The following KY variants were observed in gnomAD, a reference collection of about 807,000 sequenced individuals.
The protein encoded by KY is kyphoscoliosis peptidase.
KY carries 43 observed loss-of-function variants against 76.1 expected under a neutral mutation model. The observed-to-expected ratio is 0.57, with a 90% CI of 0.44 to 0.73. KY has a LOEUF of 0.73. Ranked by LOEUF, KY falls within the 30% of genes least tolerant of loss-of-function variation. The pLI, the probability that KY is intolerant of heterozygous loss-of-function variation, is 0.00. For synonymous variants in KY, 277 were observed against 326.2 expected (o/e 0.85, Z 1.63); for missense variants, 722 against 828.9 (o/e 0.87, Z 1.58).
In KY at chr3:134,650,779, G is replaced by T. The variant is rs369325607; in HGVS notation, c.136+46C>A. ...GCGGGCAGGCCCTTGTGGCAAGGAGGCCAAGGTGCCGGGGGACCCGGGGAC... is the reference window on the plus strand; with the variant it reads ...GCGGGCAGGCCCTTGTGGCAAGGAGTCCAAGGTGCCGGGGGACCCGGGGAC... On this transcript the variant is annotated intron_variant, in intron 1 of 10. Coordinates refer to ENST00000423778, the MANE Select transcript of KY (RefSeq NM_178554.6). The T allele has an allele frequency of 6.4e-4, 965 of 1,510,822 alleles. 10 individuals are homozygous for T. The African/African-American group carries it at 0.012, about 18-fold the overall frequency. The allele number at this position is 1,510,822 out of a possible 1,614,324, so 93.6% of individuals were successfully genotyped here.
intron 2 of KY, among the ~76,000 whole-genome samples, chr3:134,646,007 G>T (rs1240282213): frequency 6.6e-6 from 1 of 152,166 alleles, no homozygotes; most frequent in South Asian, 2.1e-4. Context: ...CTCAGGCAAG[G>T]TATGAGACAG....
At position 134,601,018 on chromosome 3, in the gene KY, C is replaced by T. The variant is rs1958939368; in HGVS notation, c.*2561G>A. On this transcript the variant is annotated 3_prime_UTR_variant, in exon 11 of 11. Coordinates refer to ENST00000423778, the MANE Select transcript of KY (RefSeq NM_178554.6). The stretch of plus-strand genomic sequence containing the variant: ...GCCGGCAGCTCCGCACTTCGGACAC[C>T]TGGGGGCGCCCGTGCCATTCCGCCG... 1 of 152,346 alleles carries T rather than the reference C, an allele frequency of 6.6e-6. No homozygotes were observed. The highest frequency in any genetic ancestry group is 1.9e-4 in the East Asian group (1 of 5,186). The allele number at this position is 152,346 out of a possible 1,614,324, so 9.4% of individuals were successfully genotyped here.
At chr3:134,605,811 C>A (rs1436066503) in intron 10 of KY, among the ~76,000 whole-genome samples, 8 of 152,172 alleles carry the variant, frequency 5.3e-5, no homozygotes, top group Non-Finnish European at 1.2e-4. Flanking sequence ...CCACGCCTTC[C>A]TCTGAGTACT....
Position 134,623,576 on chromosome 3 carries a change from TCTC to T in KY, c.483+1474_483+1476del, listed in dbSNP as rs1181151460. On this transcript the variant is annotated intron_variant, in intron 6 of 10. Transcript: ENST00000423778. ...CCCCCACCTTAGGATGCCCCCCTAC[TCTC>T]CTCAGTTCTGCTCATGTCTAGCCTC... 4.2e-5 allele frequency among the ~76,000 whole-genome samples: 6 copies of T among 142,682 alleles called. No homozygotes were observed. The East Asian group carries it at 1.3e-3, about 31-fold the overall frequency. The allele number at this position is 142,682 out of a possible 152,430, so 93.6% of individuals were successfully genotyped here.
rs192178565 is a variant in KY at position 134,646,984 on chromosome 3, T to C, written c.199+451A>G. On this transcript the variant is annotated intron_variant, in intron 2 of 10. Transcript: ENST00000423778. ...GGCTTTGGAAGCTGACTTCTTATTG[T>C]ATTTTGGGTCCCAGGCCAGCAGGGA... Among the ~76,000 whole-genome samples the C allele has an allele frequency of 3.3e-5, 5 of 152,324 alleles. No homozygotes were observed. In the East Asian group the frequency reaches 9.6e-4, roughly 29 times the overall value.
intron 10 of KY, chr3:134,607,969 A>T: frequency 9.9e-7 from 1 of 1,009,174 alleles, no homozygotes; most frequent in Non-Finnish European, 1.2e-6. Flanking sequence ...TGCCTAGAAC[A>T]TGTCCATCTC....
intron 3 of KY, among the ~76,000 whole-genome samples, chr3:134,636,366 G>A (rs1354725692): frequency 6.6e-6 from 1 of 152,102 alleles, no homozygotes; most frequent in Non-Finnish European, 1.5e-5. Flanking sequence ...CTTGAATTTG[G>A]GCTGGGCTTT....
intron 8 of KY, among the ~76,000 whole-genome samples, chr3:134,617,132 C>T (rs77071795): frequency 0.018 from 2,675 of 152,308 alleles, 79 homozygotes; most frequent in African/African-American, 0.06. Context: ...GTCTTTCTAG[C>T]TTCAAATCTG....
At chr3:134,616,583 G>T (rs879591373) in intron 8 of KY, among the ~76,000 whole-genome samples, 4 of 152,296 alleles carry the variant, frequency 2.6e-5, no homozygotes, top group African/African-American at 9.6e-5. Context: ...CACATCTCAG[G>T]CAGTGTGAGG....
At chr3:134,647,338 A>G in intron 2 of KY, 97 bp downstream of exon 2, 1 of 950,020 alleles carries the variant, frequency 1.1e-6, no homozygotes, top group Non-Finnish European at 1.6e-6. Flanking sequence ...CAGTGGTTAG[A>G]TGTCTAGGGC....
chr3:134,615,508 A>C (rs1008901883), intron 8 of KY: 1 of 151,478 alleles, frequency 6.6e-6, no homozygotes, highest in Non-Finnish European at 1.5e-5. Flanking sequence ...TTTAAGTTTT[A>C]GGATACATGT....
intron 3 of KY, among the ~76,000 whole-genome samples, chr3:134,632,340 A>G (rs2107924542): frequency 6.6e-6 from 1 of 152,182 alleles, no homozygotes; most frequent in Non-Finnish European, 1.5e-5. Flanking sequence ...TTGAATAATC[A>G]CCAAGATGGA....
intron 4 of KY, 118 bp downstream of exon 4, chr3:134,629,503 C>T: frequency 2.8e-6 from 2 of 719,010 alleles, no homozygotes; most frequent in Non-Finnish European, 4.8e-6. Flanking sequence ...TCCCAGTTTG[C>T]AGGCCCATGT....
intron 10 of KY, chr3:134,607,635 T>A: frequency 3.0e-6 from 3 of 985,682 alleles, no homozygotes; most frequent in Non-Finnish European, 3.6e-6. Flanking sequence ...AGAGACAATC[T>A]TCCAGAGAAG....
intron 10 of KY, among the ~76,000 whole-genome samples, chr3:134,606,648 A>G (rs945504173): frequency 6.6e-6 from 1 of 152,110 alleles, no homozygotes; most frequent in Non-Finnish European, 1.5e-5. Context: ...CTCTGTGGTG[A>G]AGGGGCTAGC....
chr3:134,641,360 TTATC>T (rs1448291861), intron 3 of KY: 3 of 152,174 alleles, frequency 2.0e-5, no homozygotes, highest in Non-Finnish European at 2.9e-5. Context: ...ACCATCCTGA[TTATC>T]TGGCTGGGCT....
At chr3:134,646,413 C>T (rs937000234) in intron 2 of KY, among the ~76,000 whole-genome samples, 1 of 152,096 alleles carries the variant, frequency 6.6e-6, no homozygotes, top group Non-Finnish European at 1.5e-5. Flanking sequence ...TGTTGAGACT[C>T]CCCTGCAGTG....
chr3:134,648,866 C>T (rs776171608), intron 1 of KY, among the ~76,000 whole-genome samples: 5 of 152,186 alleles, frequency 3.3e-5, no homozygotes, highest in Non-Finnish European at 5.9e-5. Flanking sequence ...AAGGAAGATC[C>T]ACTCTCCAGT....
Position 134,602,314 on chromosome 3 carries a change from C to T in KY, c.*1265G>A, listed in dbSNP as rs940249235. Among the ~76,000 whole-genome samples the T allele has an allele frequency of 6.6e-6, 1 of 152,068 alleles. No homozygotes were observed. Among genetic ancestry groups the T allele is most frequent in the African/African-American group, 2.4e-5 (1 of 41,410 alleles). On this transcript the variant is annotated 3_prime_UTR_variant, in exon 11 of 11. Transcript: ENST00000423778. ...TTGCCATGGCAACGGCAGCCTGAGG[C>T]GCTGCTGAGGGCCAGCTGGGCAGCT... is the stretch of plus-strand genomic sequence containing the variant.
Sources: allele counts gnomAD v4.1 joint callset (sites outside exome capture counted in the v4.1 genomes callset), GRCh38; gene constraint gnomAD v4.1.1; transcripts MANE v1.5; gene names NCBI Gene and HGNC (gene_info 2026-07-23, HGNC 2026-07-21).